MPP7: variants seen among roughly 807,000 people sequenced by gnomAD.
MPP7 encodes MAGUK p55 scaffold protein 7.
Under a neutral mutation model 76.5 loss-of-function variants are expected in MPP7, and 60 were observed. The observed-to-expected ratio is 0.78, with a 90% CI of 0.64 to 0.97. The LOEUF (loss-of-function observed/expected upper bound fraction) is 0.97. MPP7 is among the 50% of genes least tolerant of loss of function. MPP7 has a pLI of 0.00. For synonymous variants in MPP7, 237 were observed against 244.5 expected (o/e 0.97, Z 0.29); for missense variants, 641 against 694.0 (o/e 0.92, Z 0.86).
chr10:28,161,008 A>G (rs1456211195), intron 3 of MPP7, among the ~76,000 whole-genome samples: 1 of 152,196 alleles, frequency 6.6e-6, no homozygotes, highest in African/African-American at 2.4e-5. Flanking sequence ...TCTGCCTTTC[A>G]TGCTTTTCAT....
intron 2 of MPP7, among the ~76,000 whole-genome samples, chr10:28,321,930 A>G (rs1454394148): frequency 6.7e-6 from 1 of 148,402 alleles, no homozygotes; most frequent in Non-Finnish European, 1.5e-5. Flanking sequence ...CCTGTAAGCT[A>G]CAACTTGTTT....
chr10:28,131,731 A>G, intron 5 of MPP7, 40 bp from the exon 6 acceptor site: 1 of 1,109,166 alleles, frequency 9.0e-7, no homozygotes, highest in South Asian at 2.1e-5. Flanking sequence ...GTAAATATAC[A>G]TACTTATATA....
intron 8 of MPP7, among the ~76,000 whole-genome samples, chr10:28,123,501 C>T (rs1316990279): frequency 4.0e-5 from 5 of 124,326 alleles, no homozygotes; most frequent in Non-Finnish European, 4.8e-5. Flanking sequence ...CAAAGTCTTG[C>T]TATGACGCCC....
intron 1 of MPP7, among the ~76,000 whole-genome samples, chr10:28,286,798 C>T (rs1232572539): frequency 1.3e-5 from 2 of 152,014 alleles, no homozygotes; most frequent in Non-Finnish European, 2.9e-5. Context: ...CCACTGCGAA[C>T]TCACAGTGGG....
intron 1 of MPP7, among the ~76,000 whole-genome samples, chr10:28,302,360 A>G (rs187498591): frequency 1.3e-5 from 2 of 152,380 alleles, no homozygotes; most frequent in Admixed American, 6.5e-5. Flanking sequence ...AAATAATGCT[A>G]TCGTGTAGAT....
chr10:28,214,805 G>A (rs1214945046), intron 2 of MPP7, among the ~76,000 whole-genome samples: 2 of 152,102 alleles, frequency 1.3e-5, no homozygotes, highest in Non-Finnish European at 2.9e-5. Context: ...CTTCTTGCCT[G>A]GGGACCAGTC....
At chr10:28,130,577 C>T (rs1297495946) in intron 6 of MPP7, among the ~76,000 whole-genome samples, 1 of 152,186 alleles carries the variant, frequency 6.6e-6, no homozygotes, top group East Asian at 1.9e-4. Context: ...CAGCACTTTG[C>T]CTACTTCTGA....
At chr10:28,090,687 G>A (rs1205001019) in intron 11 of MPP7, among the ~76,000 whole-genome samples, 2 of 152,148 alleles carry the variant, frequency 1.3e-5, no homozygotes, top group African/African-American at 4.8e-5. Context: ...GTGCTTATGC[G>A]TCAGTCAGGC....
At chr10:28,091,572 G>T (rs1040609973) in intron 11 of MPP7, among the ~76,000 whole-genome samples, 3 of 152,156 alleles carry the variant, frequency 2.0e-5, no homozygotes, top group African/African-American at 7.2e-5. Flanking sequence ...ACAGGCGTGA[G>T]CCACCATGAC....
At chr10:28,108,692 A>C (rs925328158) in intron 11 of MPP7, among the ~76,000 whole-genome samples, 1 of 151,770 alleles carries the variant, frequency 6.6e-6, no homozygotes, top group Non-Finnish European at 1.5e-5. Context: ...ATAATATAAA[A>C]TAATATAAAA....
At chr10:28,095,927 AG>A (rs1253615770) in intron 11 of MPP7, among the ~76,000 whole-genome samples, 1 of 152,210 alleles carries the variant, frequency 6.6e-6, no homozygotes, top group Non-Finnish European at 1.5e-5. Flanking sequence ...TGTTTTTGAA[AG>A]GAACGGCACG....
intron 12 of MPP7, among the ~76,000 whole-genome samples, chr10:28,082,098 T>C (rs980217533): frequency 6.6e-6 from 1 of 152,184 alleles, no homozygotes; most frequent in African/African-American, 2.4e-5. Context: ...ACTTTTTCCA[T>C]CTTCCTACAT....
At chr10:28,261,283 C>T (rs1839941172) in intron 1 of MPP7, among the ~76,000 whole-genome samples, 1 of 152,132 alleles carries the variant, frequency 6.6e-6, no homozygotes, top group African/African-American at 2.4e-5. Context: ...GAAAGACTGC[C>T]CAAGTCATTC....
chr10:28,233,475 AGGCAGGC>A (rs1271229904), intron 2 of MPP7, among the ~76,000 whole-genome samples: 1 of 152,084 alleles, frequency 6.6e-6, no homozygotes, highest in Non-Finnish European at 1.5e-5. Flanking sequence ...TGGGAGGCCG[AGGCAGGC>A]GGAATCACAA....
intron 5 of MPP7, among the ~76,000 whole-genome samples, chr10:28,144,517 G>C (rs967792749): frequency 6.6e-6 from 1 of 152,178 alleles, no homozygotes; most frequent in African/African-American, 2.4e-5. Flanking sequence ...GCAAGCCACT[G>C]TTCGCCCGTT....
chr10:28,161,006 T>C (rs899736196), intron 3 of MPP7, among the ~76,000 whole-genome samples: 1 of 152,220 alleles, frequency 6.6e-6, no homozygotes, highest in African/African-American at 2.4e-5. Context: ...GTTCTGCCTT[T>C]CATGCTTTTC....
chr10:28,131,484 A>AAG, intron 6 of MPP7, 76 bp downstream of exon 6: 1 of 1,232,400 alleles, frequency 8.1e-7, no homozygotes, highest in Non-Finnish European at 1.1e-6. Flanking sequence ...GTATATTTTA[A>AAG]AGAGTTATAC....
At position 28,310,386 on chromosome 10, in the gene MPP7, A is replaced by G. The variant is rs369794024; in HGVS notation, c.-132+19543T>C. Among the ~76,000 whole-genome samples, 9 of 152,252 alleles carry G rather than the reference A, an allele frequency of 5.9e-5. No individual in the cohort carries two copies. The East Asian group carries it at 1.7e-3, about 29-fold the overall frequency. On this transcript the variant is annotated intron_variant, in intron 2 of 11. Transcript: ENST00000441595. ...ACACACAGCCAGTTCTTCCCAGCTC[A>G]GGTTCCTGCTCCACTCTCCCATGTT...
At position 28,327,370 on chromosome 10, in the gene MPP7, G is replaced by C. The variant is rs115194558; in HGVS notation, c.-132+2559C>G. On this transcript the variant is annotated intron_variant, in intron 2 of 11. Coordinates refer to the MPP7 transcript ENST00000441595. ...TGTCATTTGCAAAAGAATTGAAAAAGATTTGCAGCTGGAAAAAAAAAATTT... is the reference window on the plus strand; with the variant it reads ...TGTCATTTGCAAAAGAATTGAAAAACATTTGCAGCTGGAAAAAAAAAATTT... Among the ~76,000 whole-genome samples the C allele has an allele frequency of 2.7e-3, 388 of 145,742 alleles. 1 individual carries two copies. The highest frequency in any genetic ancestry group is 0.01 in the African/African-American group (376 of 37,432).
Sources: allele counts gnomAD v4.1 joint callset (sites outside exome capture counted in the v4.1 genomes callset), GRCh38; gene constraint gnomAD v4.1.1; transcripts MANE v1.5; gene names NCBI Gene and HGNC (gene_info 2026-07-23, HGNC 2026-07-21).